Variants in SGCZ observed in about 807,000 individuals in gnomAD.
The protein encoded by SGCZ is zeta-sarcoglycan.
Under a neutral mutation model 41.3 loss-of-function variants are expected in SGCZ, and 40 were observed. The observed-to-expected ratio is 0.97, with a 90% CI of 0.75 to 1.26. SGCZ has a LOEUF of 1.26. Among genes scored for constraint, SGCZ ranks in the 50% most tolerant of loss-of-function variants. The probability of loss-of-function intolerance (pLI) is 0.00; values close to 1 mark genes in which losing one functional copy is unlikely to be tolerated. For missense variants in SGCZ, 552 were observed against 369.8 expected, an observed-to-expected ratio of 1.49 and a Z score of -4.04; for synonymous variants, 206 against 137.5, an observed-to-expected ratio of 1.50 and a Z score of -3.49.
chr8:14,853,929 T>G (rs1168971945), intron 1 of SGCZ, among the ~76,000 whole-genome samples: 1 of 150,706 alleles, frequency 6.6e-6, no homozygotes, highest in African/African-American at 2.4e-5. Context: ...TACACACCTT[T>G]CAAGGATCTT....
chr8:14,150,416 T>C (rs752736950), intron 5 of SGCZ, among the ~76,000 whole-genome samples: 33 of 152,058 alleles, frequency 2.2e-4, no homozygotes, highest in Non-Finnish European at 4.3e-4. Context: ...CAAACAGGCA[T>C]ACAAAAAATG....
chr8:15,165,868 T>C (rs1799650923), intron 1 of SGCZ, among the ~76,000 whole-genome samples: 1 of 152,202 alleles, frequency 6.6e-6, no homozygotes, highest in African/African-American at 2.4e-5. Flanking sequence ...GGGTGTCATA[T>C]GGTTTTTCTG....
chr8:14,150,374 T>A (rs1803662569), intron 5 of SGCZ, among the ~76,000 whole-genome samples: 1 of 151,968 alleles, frequency 6.6e-6, no homozygotes, highest in African/African-American at 2.4e-5. Flanking sequence ...GGCAAAAGAA[T>A]AGATATTTCT....
chr8:14,570,504 G>A (rs1804517779), intron 1 of SGCZ, among the ~76,000 whole-genome samples: 1 of 152,038 alleles, frequency 6.6e-6, no homozygotes, highest in African/African-American at 2.4e-5. Flanking sequence ...TATTAAATGT[G>A]GAAATGTATA....
intron 1 of SGCZ, among the ~76,000 whole-genome samples, chr8:14,758,347 T>C (rs1799752706): frequency 6.6e-6 from 1 of 152,212 alleles, no homozygotes; most frequent in Admixed American, 6.5e-5. Context: ...CAGATATTCC[T>C]CAATTCAGTC....
At chr8:14,529,983 G>A (rs1297147850) in intron 2 of SGCZ, among the ~76,000 whole-genome samples, 1 of 152,080 alleles carries the variant, frequency 6.6e-6, no homozygotes, top group African/African-American at 2.4e-5. Context: ...CACAAGTGCT[G>A]CATAATACAC....
intron 1 of SGCZ, among the ~76,000 whole-genome samples, chr8:14,850,105 T>G (rs1480462236): frequency 6.6e-6 from 1 of 152,188 alleles, no homozygotes; most frequent in Non-Finnish European, 1.5e-5. Flanking sequence ...AGAAAAAAAT[T>G]TATTTTCAAT....
intron 1 of SGCZ, among the ~76,000 whole-genome samples, chr8:14,903,325 A>G (rs1248413338): frequency 1.3e-5 from 2 of 152,180 alleles, no homozygotes; most frequent in African/African-American, 4.8e-5. Flanking sequence ...AGCAGCAGAG[A>G]AATTTTATGA....
rs76311265 is a variant in SGCZ, at chr8:14,495,464, G to C, written c.234+59268C>G. Among the ~76,000 whole-genome samples, 1,899 of 152,240 alleles carry C rather than the reference G, an allele frequency of 0.012. 127 individuals carry two copies. The East Asian group carries it at 0.2, about 16-fold the overall frequency. On this transcript the variant is annotated intron_variant, in intron 2 of 7. Transcript: ENST00000382080. ...TCAAATAGAATTATTTGACAGTTAAGTATCACTGAAAAAGTCTGGCTTTTG... is the reference window on the plus strand; with the variant it reads ...TCAAATAGAATTATTTGACAGTTAACTATCACTGAAAAAGTCTGGCTTTTG...
intron 1 of SGCZ, among the ~76,000 whole-genome samples, chr8:14,943,726 C>T (rs1181442854): frequency 1.3e-5 from 2 of 152,158 alleles, no homozygotes; most frequent in Non-Finnish European, 2.9e-5. Flanking sequence ...CCTCTCCCAT[C>T]TTCCAAACTT....
At chr8:14,574,190 G>A (rs931592803) in intron 1 of SGCZ, among the ~76,000 whole-genome samples, 2 of 152,162 alleles carry the variant, frequency 1.3e-5, no homozygotes, top group Admixed American at 6.5e-5. Flanking sequence ...AAGCCAAGAT[G>A]CGGATGTTGG....
intron 2 of SGCZ, among the ~76,000 whole-genome samples, chr8:14,458,523 G>C (rs1458005803): frequency 6.6e-6 from 1 of 152,140 alleles, no homozygotes; most frequent in Non-Finnish European, 1.5e-5. Flanking sequence ...TTTAAAAAGG[G>C]AAAGTCAAAA....
chr8:15,012,287 C>A lies in SGCZ; in HGVS notation c.39+225298G>T, dbSNP rs558515841. Reference sequence around the variant, plus strand: ...AGATCAGACTGGGCAACATAGCAAACCTCCACCTCTACAGAAAAATAAAAA... The same window carrying A: ...AGATCAGACTGGGCAACATAGCAAAACTCCACCTCTACAGAAAAATAAAAA... On this transcript the variant is annotated intron_variant, in intron 1 of 7. Coordinates refer to ENST00000382080, the MANE Select transcript of SGCZ (RefSeq NM_139167.4). Among the ~76,000 whole-genome samples, 73 of 151,478 alleles carry A rather than the reference C, an allele frequency of 4.8e-4. 1 individual carries two copies. The highest frequency in any genetic ancestry group is 6.8e-3 in the Middle Eastern group (2 of 294).
At chr8:14,907,441 G>C (rs556463871) in intron 1 of SGCZ, among the ~76,000 whole-genome samples, 1 of 152,210 alleles carries the variant, frequency 6.6e-6, no homozygotes, top group East Asian at 1.9e-4. Context: ...TCCTGCCTCA[G>C]CCTCTCAAAG....
chr8:14,495,361 T>C (rs1801959592), intron 2 of SGCZ, among the ~76,000 whole-genome samples: 1 of 152,178 alleles, frequency 6.6e-6, no homozygotes, highest in African/African-American at 2.4e-5. Context: ...GCTGAATAAA[T>C]TAGCATGCTT....
At chr8:14,351,052 T>G (rs1803073294) in intron 2 of SGCZ, among the ~76,000 whole-genome samples, 1 of 152,120 alleles carries the variant, frequency 6.6e-6, no homozygotes, top group Non-Finnish European at 1.5e-5. Context: ...TTAACACTTC[T>G]GCAATACTTC....
intron 4 of SGCZ, among the ~76,000 whole-genome samples, chr8:14,181,761 G>A (rs927963949): frequency 6.6e-6 from 1 of 152,132 alleles, no homozygotes; most frequent in South Asian, 2.1e-4. Flanking sequence ...TGATTGTGAG[G>A]CCTCCCCAGC....
chr8:14,204,147 T>G (rs1425165998), intron 4 of SGCZ, among the ~76,000 whole-genome samples: 1 of 152,058 alleles, frequency 6.6e-6, no homozygotes, highest in African/African-American at 2.4e-5. Flanking sequence ...TTTGGACCTT[T>G]GCCCCAGCAA....
intron 2 of SGCZ, among the ~76,000 whole-genome samples, chr8:14,440,338 A>G (rs1276119189): frequency 6.6e-6 from 1 of 152,126 alleles, no homozygotes; most frequent in African/African-American, 2.4e-5. Flanking sequence ...ATGTAGCTTA[A>G]GGAAATCTTA....
Sources: allele counts gnomAD v4.1 joint callset (sites outside exome capture counted in the v4.1 genomes callset), GRCh38; gene constraint gnomAD v4.1.1; transcripts MANE v1.5; gene names NCBI Gene and HGNC (gene_info 2026-07-23, HGNC 2026-07-21).